The following STAB2 variants were observed in gnomAD, a reference collection of about 807,000 sequenced individuals.
STAB2 encodes the protein stabilin-2.
Under a neutral mutation model 338.1 loss-of-function variants are expected in STAB2, and 288 were observed. The ratio of observed to expected loss-of-function variants is 0.85; its 90% CI spans 0.77 to 0.94. The LOEUF (loss-of-function observed/expected upper bound fraction) is 0.94, where lower values mean the gene tolerates loss of function less well. Ranked by LOEUF, STAB2 falls within the 40% of genes least tolerant of loss-of-function variation. The pLI is 0.00. For synonymous variants in STAB2, 1,202 were observed against 1,193.3 expected (o/e 1.01, Z -0.15); for missense variants, 3,141 against 3,210.1 (o/e 0.98, Z 0.52).
rs774732483 is a variant in STAB2 at position 103,652,706 on chromosome 12, G to GT, written c.1407+2dup. On this transcript the variant is annotated splice_donor_variant, in intron 12 of 68. Transcript: ENST00000388887. LOFTEE classifies it high-confidence loss of function. ...GGGGGAAATCTTCAACAGCGATAAG[G>GT]TAAGGGTTCCTCTGATTTTCACTCC... 4 of 1,579,940 alleles carry GT rather than the reference G, an allele frequency of 2.5e-6. No homozygotes were observed. The highest frequency in any genetic ancestry group is 3.4e-6 in the Non-Finnish European group (4 of 1,164,520).
chr12:103,680,945 A>C (rs1246851812), intron 25 of STAB2, among the ~76,000 whole-genome samples: 1 of 152,240 alleles, frequency 6.6e-6, no homozygotes, highest in Non-Finnish European at 1.5e-5. Context: ...GGTGAGGATA[A>C]GAGATTACCG....
intron 19 of STAB2, among the ~76,000 whole-genome samples, chr12:103,666,903 G>A (rs1352738520): frequency 1.3e-5 from 2 of 152,216 alleles, no homozygotes; most frequent in Non-Finnish European, 2.9e-5. Context: ...GCTTCCAGAG[G>A]CATGAGGATG....
At chr12:103,659,762 C>A (rs1311734262) in intron 15 of STAB2, among the ~76,000 whole-genome samples, 1 of 152,172 alleles carries the variant, frequency 6.6e-6, no homozygotes, top group African/African-American at 2.4e-5. Flanking sequence ...CTTGAGAAAC[C>A]TTGGAAAGGG....
At chr12:103,653,924 C>T (rs144655507) in intron 12 of STAB2, among the ~76,000 whole-genome samples, 69 of 126,500 alleles carry the variant, frequency 5.5e-4, no homozygotes, top group Middle Eastern at 6.1e-3. Flanking sequence ...GATGGATGGA[C>T]GGATGGAGAG....
chr12:103,624,589 C>T (rs1051828499), intron 5 of STAB2, among the ~76,000 whole-genome samples: 1 of 152,202 alleles, frequency 6.6e-6, no homozygotes, highest in Admixed American at 6.5e-5. Context: ...ATAGGTGTTT[C>T]TTCACCCACT....
At chr12:103,647,180 G>C (rs1281433206) in intron 9 of STAB2, among the ~76,000 whole-genome samples, 1 of 152,136 alleles carries the variant, frequency 6.6e-6, no homozygotes, top group Non-Finnish European at 1.5e-5. Context: ...CAGATTTCAG[G>C]GTAGAACATA....
Position 103,751,181 on chromosome 12 carries a change from G to A in STAB2, c.6580+461G>A, listed in dbSNP as rs908191976. Among the ~76,000 whole-genome samples, 111 of 152,198 alleles carry A rather than the reference G, an allele frequency of 7.3e-4. 2 individuals are homozygous for A. Among genetic ancestry groups the A allele is most frequent in the Non-Finnish European group, 1.5e-4 (10 of 68,042 alleles). ...TCAGTATGTACTGGATCTCTCCAGG[G>A]TTGGGTTTGTTTGACAGATGTGGTC... is the stretch of plus-strand genomic sequence containing the variant. On this transcript the variant is annotated intron_variant, in intron 60 of 68. Transcript: ENST00000388887.
intron 5 of STAB2, among the ~76,000 whole-genome samples, chr12:103,627,565 T>TA (rs1957399572): frequency 6.6e-6 from 1 of 152,256 alleles, no homozygotes. Context: ...CTCTGCCACT[T>TA]ACGTCTCCTT....
chr12:103,739,570 T>C (rs866827506), intron 54 of STAB2, 102 bp downstream of exon 54: 65 of 822,852 alleles, frequency 7.9e-5, no homozygotes, highest in African/African-American at 5.1e-4. Flanking sequence ...TGTGTGTGTG[T>C]GTGCCCGTGC....
intron 28 of STAB2, among the ~76,000 whole-genome samples, chr12:103,688,634 CA>C (rs141967964): frequency 0.035 from 5,259 of 152,328 alleles, 146 homozygotes; most frequent in East Asian, 0.12. Context: ...GCCATTGCAA[CA>C]AATGGTTTAT....
intron 19 of STAB2, 170 bp from the exon 20 acceptor site, chr12:103,668,473 A>G (rs191313830): frequency 8.3e-6 from 5 of 604,802 alleles, no homozygotes; most frequent in South Asian, 1.9e-5. Context: ...GGCCTAAAAA[A>G]GGGTGTCCAA....
intron 51 of STAB2, among the ~76,000 whole-genome samples, chr12:103,733,402 A>AT (rs147710441): frequency 0.03 from 4,555 of 149,836 alleles, 86 homozygotes; most frequent in South Asian, 0.056. Context: ...GGACCTGCCA[A>AT]TTTTTTTTTT....
At position 103,717,807 on chromosome 12, in the gene STAB2, G is replaced by A; in HGVS notation, c.4649G>A (p.Gly1550Glu). The A allele has an allele frequency of 6.2e-7, 1 of 1,614,060 alleles. No individual in the cohort carries two copies. The highest frequency in any genetic ancestry group is 8.5e-7 in the Non-Finnish European group (1 of 1,179,988). ...TGTTTGCCAGCATACACTGGAGATG[G>A]AAAGGTCTGCACACTCATCAATGTC... ...CNCLPAYTGD[G>E]KVCTLINVCL... is the part of the protein sequence containing the mutation. Residue 1550 changes from glycine (G) to glutamate (E), a missense_variant, in exon 44 of 69, where the codon GGA becomes GAA. Physicochemically the swap from Gly to Glu is moderately conservative, Grantham distance 98 (BLOSUM62 -2). Transcript: ENST00000388887.
intron 1 of STAB2, among the ~76,000 whole-genome samples, chr12:103,588,302 T>A (rs1956743236): frequency 6.6e-6 from 1 of 152,220 alleles, no homozygotes; most frequent in Non-Finnish European, 1.5e-5. Flanking sequence ...AATGGCTAAG[T>A]GCTCCAGCTT....
At position 103,674,024 on chromosome 12, in the gene STAB2, G is replaced by T; in HGVS notation, c.2489G>T (p.Cys830Phe). Residue 830 changes from cysteine (C) to phenylalanine (F), a missense_variant, in exon 23 of 69, where the codon TGT becomes TTT. Physicochemically the swap from Cys to Phe is radical, Grantham distance 205. Transcript: ENST00000388887. ...GRLCDKQTSACGPYVQFCHIH... is the reference protein window; with the variant it reads ...GRLCDKQTSAFGPYVQFCHIH... The stretch of plus-strand genomic sequence containing the variant: ...CTCTGTGATAAGCAGACCTCAGCCT[G>T]TGGGCCCTACGTGCAGTTCTGTCAC... 1.2e-6 allele frequency: 2 copies of T among 1,614,118 alleles called. No homozygotes were observed. Among genetic ancestry groups the T allele is most frequent in the Non-Finnish European group, 8.5e-7 (1 of 1,180,018 alleles).
intron 47 of STAB2, among the ~76,000 whole-genome samples, chr12:103,728,525 C>G (rs1881389804): frequency 6.6e-6 from 1 of 152,236 alleles, no homozygotes; most frequent in African/African-American, 2.4e-5. Context: ...TGTTTCCCAG[C>G]ATGTTTCACA....
At chr12:103,729,408 TTTTTTCCTTAAAG>T (rs1441246510) in intron 48 of STAB2, among the ~76,000 whole-genome samples, 1 of 152,198 alleles carries the variant, frequency 6.6e-6, no homozygotes, top group Non-Finnish European at 1.5e-5. Context: ...CTCTTTCTCT[TTTTTTCCTTAAAG>T]TAATATAAGA....
chr12:103,654,734 C>A (rs1874045736), intron 13 of STAB2, 36 bp downstream of exon 13: 1 of 1,603,092 alleles, frequency 6.2e-7, no homozygotes, highest in South Asian at 1.1e-5. Context: ...CAGGCCAGGT[C>A]CATCTTCCTT....
Position 103,755,083 on chromosome 12 carries a change from G to A in STAB2, c.6715-219G>A, listed in dbSNP as rs1402963982. 1.4e-5 allele frequency: 8 copies of A among 567,476 alleles called. No individual in the cohort carries two copies. In the East Asian group the frequency reaches 2.0e-4, roughly 14 times the overall value. The allele number at this position is 567,476 out of a possible 1,614,324, so 35.2% of individuals were successfully genotyped here. ...GAAGAGAAATGAGTATGAAAGACCT[G>A]GGCACCTACAAGAAAGAGAGGACAC... On this transcript the variant is annotated intron_variant, in intron 61 of 68. Coordinates refer to ENST00000388887, the MANE Select transcript of STAB2 (RefSeq NM_017564.10).
Sources: allele counts gnomAD v4.1 joint callset (sites outside exome capture counted in the v4.1 genomes callset), GRCh38; gene constraint gnomAD v4.1.1; transcripts MANE v1.5; gene names NCBI Gene and HGNC (gene_info 2026-07-23, HGNC 2026-07-21).